LINGO2: variants seen among roughly 807,000 people sequenced by gnomAD.
The protein encoded by LINGO2 is leucine-rich repeat and immunoglobulin-like domain-containing nogo receptor-interacting protein 2.
Under a neutral mutation model 30.6 loss-of-function variants are expected in LINGO2, and 14 were observed. That is an observed-to-expected ratio of 0.46 (90% confidence interval 0.30 to 0.72). LINGO2 has a LOEUF of 0.72. Among genes scored for constraint, LINGO2 ranks in the 30% least tolerant of loss-of-function variants. LINGO2 has a pLI of 0.07. For missense variants in LINGO2, 729 were observed against 751.7 expected (o/e 0.97, Z 0.35); for synonymous variants, 317 against 288.5 (o/e 1.10, Z -1.00).
At chr9:28,235,715 T>A (rs1821538362) in intron 4 of LINGO2, among the ~76,000 whole-genome samples, 1 of 152,090 alleles carries the variant, frequency 6.6e-6, no homozygotes, top group African/African-American at 2.4e-5. Context: ...TGCATCAAAG[T>A]TTCTTAATAG....
chr9:28,106,262 T>C, intron 4 of LINGO2, among the ~76,000 whole-genome samples: 1 of 152,134 alleles, frequency 6.6e-6, no homozygotes, highest in East Asian at 1.9e-4. Context: ...TGTGGCATTT[T>C]GTTATGGCAG....
chr9:28,020,613 G>A (rs1823070087), intron 4 of LINGO2, among the ~76,000 whole-genome samples: 1 of 152,150 alleles, frequency 6.6e-6, no homozygotes. Flanking sequence ...TATTTTTGAG[G>A]AGACTGTGGA....
At chr9:28,760,286 G>A in the LINGO2 span, among the ~76,000 whole-genome samples, 6 of 151,922 alleles carry the variant, frequency 3.9e-5, no homozygotes, top group Non-Finnish European at 8.8e-5. Context: ...TCAGTCAAGT[G>A]GAGGCTTCTA....
the LINGO2 span, among the ~76,000 whole-genome samples, chr9:29,129,577 G>C: frequency 6.6e-6 from 1 of 151,984 alleles, no homozygotes; most frequent in African/African-American, 2.4e-5. Context: ...GGTTACTAAG[G>C]ATAAGAATTC....
At chr9:27,972,489 C>T (rs1431330940) in intron 5 of LINGO2, among the ~76,000 whole-genome samples, 3 of 152,190 alleles carry the variant, frequency 2.0e-5, no homozygotes, top group Non-Finnish European at 2.9e-5. Context: ...CAACCTCAGT[C>T]CGTCATGAAC....
At chr9:28,859,150 TAA>T in the LINGO2 span, among the ~76,000 whole-genome samples, 1 of 152,132 alleles carries the variant, frequency 6.6e-6, no homozygotes, top group Non-Finnish European at 1.5e-5. Context: ...TTCAAGAATT[TAA>T]AGTTTTTTAC....
chr9:28,448,446 GAC>G (rs1333940941), intron 2 of LINGO2, among the ~76,000 whole-genome samples: 1 of 152,012 alleles, frequency 6.6e-6, no homozygotes, highest in Non-Finnish European at 1.5e-5. Flanking sequence ...TTACTGATAA[GAC>G]AAAACGCATG....
intron 5 of LINGO2, among the ~76,000 whole-genome samples, chr9:27,989,581 G>C (rs1209905550): frequency 6.6e-6 from 1 of 151,764 alleles, no homozygotes; most frequent in African/African-American, 2.4e-5. Flanking sequence ...GCAGACATTA[G>C]GCCAATCCAG....
chr9:28,550,968 C>T (rs1351873538), intron 1 of LINGO2, among the ~76,000 whole-genome samples: 1 of 151,562 alleles, frequency 6.6e-6, no homozygotes, highest in Non-Finnish European at 1.5e-5. Context: ...GAGAAAGAAG[C>T]AGAAGGAGAT....
the LINGO2 span, among the ~76,000 whole-genome samples, chr9:28,988,204 G>C: frequency 6.6e-6 from 1 of 151,980 alleles, no homozygotes; most frequent in African/African-American, 2.4e-5. Flanking sequence ...TATTTATCTA[G>C]GTGCTCCCAT....
At chr9:29,212,600 T>TA in the LINGO2 span, among the ~76,000 whole-genome samples, 1 of 150,370 alleles carries the variant, frequency 6.7e-6, no homozygotes, top group African/African-American at 2.4e-5. Context: ...TAATAAAAAT[T>TA]TAAAAAAAAA....
At chr9:28,216,898 T>C (rs986765076) in intron 4 of LINGO2, among the ~76,000 whole-genome samples, 3 of 151,890 alleles carry the variant, frequency 2.0e-5, no homozygotes, top group Non-Finnish European at 4.4e-5. Flanking sequence ...ATTCAGGTGA[T>C]ATTTTAAACT....
intron 1 of LINGO2, among the ~76,000 whole-genome samples, chr9:28,571,429 C>T (rs915666738): frequency 3.3e-5 from 5 of 151,996 alleles, no homozygotes; most frequent in African/African-American, 1.2e-4. Context: ...AAGATGAAAG[C>T]ACACATAATA....
the LINGO2 span, among the ~76,000 whole-genome samples, chr9:29,019,118 A>G: frequency 6.6e-6 from 1 of 152,184 alleles, no homozygotes; most frequent in Non-Finnish European, 1.5e-5. Flanking sequence ...TTAAAAATAT[A>G]AAATAATCTG....
At chr9:28,163,815 C>T (rs1828353880) in intron 4 of LINGO2, among the ~76,000 whole-genome samples, 2 of 152,132 alleles carry the variant, frequency 1.3e-5, no homozygotes, top group African/African-American at 4.8e-5. Context: ...TCCAACTTGC[C>T]TATTTACAGT....
At chr9:28,677,961 T>C in the LINGO2 span, among the ~76,000 whole-genome samples, 2 of 151,870 alleles carry the variant, frequency 1.3e-5, no homozygotes, top group East Asian at 3.9e-4. Context: ...TTATCATTAT[T>C]ACTGCCACCC....
intron 1 of LINGO2, among the ~76,000 whole-genome samples, chr9:28,617,730 T>G (rs1207187833): frequency 6.6e-6 from 1 of 152,118 alleles, no homozygotes; most frequent in Non-Finnish European, 1.5e-5. Flanking sequence ...TCTTTACTTT[T>G]TTTTTATTTT....
At chr9:28,703,100 T>C in the LINGO2 span, among the ~76,000 whole-genome samples, 1 of 151,848 alleles carries the variant, frequency 6.6e-6, no homozygotes, top group Non-Finnish European at 1.5e-5. Context: ...TCTATATTGA[T>C]TTCCTGTTTT....
the LINGO2 span, among the ~76,000 whole-genome samples, chr9:28,697,612 A>C: frequency 1.3e-5 from 2 of 151,976 alleles, no homozygotes; most frequent in African/African-American, 4.8e-5. Flanking sequence ...AATCACTGTG[A>C]AATATATTTG....
Sources: gnomAD v4.1 joint callset for allele counts (sites outside exome capture counted in the v4.1 genomes callset) on GRCh38, gnomAD v4.1.1 for gene constraint, MANE v1.5 for transcripts, NCBI Gene and HGNC (gene_info 2026-07-23, HGNC 2026-07-21) for gene names.